GPC4: variants seen among roughly 807,000 people sequenced by gnomAD.
GPC4 encodes the protein glypican 4.
A neutral mutation model predicts 35.0 loss-of-function variants in GPC4; 10 were observed. The ratio of observed to expected loss-of-function variants is 0.29; its 90% CI spans 0.18 to 0.48. The LOEUF is 0.48. Ranked by LOEUF, GPC4 falls within the 20% of genes least tolerant of loss-of-function variation. The pLI, the probability that GPC4 is intolerant of heterozygous loss-of-function variation, is 0.99. For synonymous variants in GPC4, 167 were observed against 170.2 expected, an observed-to-expected ratio of 0.98 and a Z score of 0.15; for missense variants, 322 against 451.3, an observed-to-expected ratio of 0.71 and a Z score of 2.60.
chrX:133,332,525 G>A (rs764714421), intron 2 of GPC4, among the ~76,000 whole-genome samples: 1 of 110,954 alleles, frequency 9.0e-6, no homozygotes, highest in Non-Finnish European at 1.9e-5. Flanking sequence ...TCAGCCTCCC[G>A]AGTAGCTGGG....
intron 2 of GPC4, among the ~76,000 whole-genome samples, chrX:133,334,260 G>A (rs2266806): frequency 0.089 from 9,919 of 111,627 alleles, 518 homozygotes; most frequent in East Asian, 0.33. Context: ...AGAGTGCTTC[G>A]TGCCCTGCCT....
At chrX:133,390,239 T>C (rs755155626) in intron 1 of GPC4, among the ~76,000 whole-genome samples, 1 of 111,983 alleles carries the variant, frequency 8.9e-6, no homozygotes, top group Non-Finnish European at 1.9e-5. Flanking sequence ...TCTCTTCTGA[T>C]GTACACATAA....
At position 133,302,929 on chromosome X, in the gene GPC4, G is replaced by C; in HGVS notation, c.1609C>G (p.Gln537Glu). The change falls in exon 9 of 9, where the codon CAG becomes GAG. Residue 537 changes from glutamine to glutamate, a missense_variant. By Grantham distance (29) the Gln-to-Glu change is conservative. Coordinates refer to ENST00000370828, the MANE Select transcript of GPC4 (RefSeq NM_001448.3). The part of the protein sequence containing the change: ...ADSAGVRPGA[Q>E]AYLLTVFCIL... ...CAGAAGACAGTGAGGAGGTAGGCCT[G>C]TGCCCCAGGACGGACACCAGCACTG... is the stretch of plus-strand genomic sequence containing the variant. 1 of 1,211,788 alleles carries C rather than the reference G, an allele frequency of 8.3e-7. No individual in the cohort carries two copies. Among genetic ancestry groups the C allele is most frequent in the Non-Finnish European group, 1.1e-6 (1 of 895,453 alleles).
chrX:133,373,962 G>A (rs1202878091), intron 1 of GPC4, among the ~76,000 whole-genome samples: 2 of 110,796 alleles, frequency 1.8e-5, no homozygotes, highest in Non-Finnish European at 3.8e-5. Context: ...GAGAGGGAGG[G>A]AGATGAGGGG....
intron 1 of GPC4, among the ~76,000 whole-genome samples, chrX:133,352,714 A>G (rs756977626): frequency 9.0e-6 from 1 of 111,260 alleles, no homozygotes; most frequent in African/African-American, 3.3e-5. Flanking sequence ...TATATACTCA[A>G]CAACGAACAA....
intron 1 of GPC4, among the ~76,000 whole-genome samples, chrX:133,364,791 C>T (rs1471234019): frequency 4.5e-4 from 50 of 112,204 alleles, no homozygotes; most frequent in Admixed American, 4.1e-3. Flanking sequence ...TATCTAGACA[C>T]GAATGCTGCT....
chrX:133,376,197 G>A (rs1344369670), intron 1 of GPC4, among the ~76,000 whole-genome samples: 4 of 112,412 alleles, frequency 3.6e-5, no homozygotes, highest in African/African-American at 1.3e-4. Context: ...GTGTGCTCAG[G>A]CCAGCAGCCG....
intron 1 of GPC4, among the ~76,000 whole-genome samples, chrX:133,375,905 A>G (rs2068631009): frequency 8.9e-6 from 1 of 111,819 alleles, no homozygotes; most frequent in African/African-American, 3.3e-5. Flanking sequence ...AAAGTACACT[A>G]GGGGATTATG....
chrX:133,379,243 T>C (rs1232539331), intron 1 of GPC4, among the ~76,000 whole-genome samples: 1 of 112,345 alleles, frequency 8.9e-6, no homozygotes, highest in East Asian at 2.8e-4. Context: ...GTCCATACAG[T>C]GCAATATTCT....
At chrX:133,348,324 A>G in intron 1 of GPC4, among the ~76,000 whole-genome samples, 1 of 112,469 alleles carries the variant, frequency 8.9e-6, no homozygotes, top group East Asian at 2.8e-4. Context: ...ATCACTTCTG[A>G]GCAGCTGAAG....
At chrX:133,327,578 G>A (rs1242964046) in intron 2 of GPC4, among the ~76,000 whole-genome samples, 1 of 108,322 alleles carries the variant, frequency 9.2e-6, no homozygotes, top group African/African-American at 3.4e-5. Context: ...ACATGCCCCT[G>A]TCCGACACCC....
chrX:133,317,733 A>G (rs1211659285), intron 3 of GPC4, among the ~76,000 whole-genome samples: 1 of 112,130 alleles, frequency 8.9e-6, no homozygotes, highest in African/African-American at 3.2e-5. Context: ...TTGCTTGGTA[A>G]CAAAAGCACC....
At chrX:133,345,985 C>T (rs923513454) in intron 1 of GPC4, among the ~76,000 whole-genome samples, 1 of 111,635 alleles carries the variant, frequency 9.0e-6, no homozygotes, top group African/African-American at 3.3e-5. Context: ...TCATGGGCCC[C>T]AGTTACAGAA....
At chrX:133,343,550 C>G (rs950232569) in intron 1 of GPC4, among the ~76,000 whole-genome samples, 10 of 111,611 alleles carry the variant, frequency 9.0e-5, no homozygotes, top group Admixed American at 4.7e-4. Flanking sequence ...AAGGAAGCAC[C>G]TAAATTAAGT....
At chrX:133,363,794 C>A (rs1327748013) in intron 1 of GPC4, among the ~76,000 whole-genome samples, 1 of 111,288 alleles carries the variant, frequency 9.0e-6, no homozygotes, top group Non-Finnish European at 1.9e-5. Flanking sequence ...TCCATTACAC[C>A]AAAAAGAAAT....
At chrX:133,321,208 A>G (rs1242490790) in intron 3 of GPC4, among the ~76,000 whole-genome samples, 1 of 112,151 alleles carries the variant, frequency 8.9e-6, no homozygotes, top group Non-Finnish European at 1.9e-5. Context: ...CAACACAGGG[A>G]AGGCACAACT....
At chrX:133,314,691 A>G (rs1260846444) in intron 3 of GPC4, among the ~76,000 whole-genome samples, 1 of 112,126 alleles carries the variant, frequency 8.9e-6, no homozygotes, top group African/African-American at 3.2e-5. Context: ...CTTTTGTCTC[A>G]TAACCACTAG....
rs778241693 is a variant in GPC4, at chrX:133,399,927, G to A, written c.160+14879C>T. Among the ~76,000 whole-genome samples, 80 of 111,447 alleles carry A rather than the reference G, an allele frequency of 7.2e-4. 1 individual carries two copies. The highest frequency in any genetic ancestry group is 2.5e-3 in the African/African-American group (77 of 30,657). On this transcript the variant is annotated intron_variant, in intron 1 of 8. Coordinates refer to ENST00000370828, the MANE Select transcript of GPC4 (RefSeq NM_001448.3). ...GAATTGTTTGAACCTGGGAGGCAGA[G>A]GCTGCAGTGAGCCAAGATCACACCA...
chrX:133,305,649 A>G, intron 6 of GPC4, 123 bp downstream of exon 6: 1 of 906,422 alleles, frequency 1.1e-6, no homozygotes, highest in South Asian at 2.4e-5. Context: ...TCCACATCCT[A>G]TTTGCTTGAA....
Sources: allele counts gnomAD v4.1 joint callset (sites outside exome capture counted in the v4.1 genomes callset), GRCh38; gene constraint gnomAD v4.1.1; transcripts MANE v1.5; gene names NCBI Gene and HGNC (gene_info 2026-07-23, HGNC 2026-07-21).